The following NPSR1 variants were observed in gnomAD, a reference collection of about 807,000 sequenced individuals.
The protein encoded by NPSR1 is neuropeptide S receptor 1.
A neutral mutation model predicts 46.9 loss-of-function variants in NPSR1; 48 were observed. That is an observed-to-expected ratio of 1.02 (90% CI 0.81 to 1.30). NPSR1 has a LOEUF of 1.30. NPSR1 is among the 50% of genes most tolerant of loss of function. The pLI, the probability that NPSR1 is intolerant of heterozygous loss-of-function variation, is 0.00. For missense variants in NPSR1, 450 were observed against 449.5 expected (o/e 1.00, Z -0.01); for synonymous variants, 176 against 168.1 (o/e 1.05, Z -0.36).
Position 34,849,727 on chromosome 7 carries a change from GT to G in NPSR1, c.*73del. 1.3e-6 allele frequency: 2 copies of G among 1,591,800 alleles called. No individual in the cohort carries two copies. Among genetic ancestry groups the G allele is most frequent in the East Asian group, 4.5e-5 (2 of 44,602 alleles). ...AGGTCCTTGTCACCTGCTTGGGCAC[GT>G]GCATGGAACCCGAGCCAACTTCACC... is the stretch of plus-strand genomic sequence containing the variant. On this transcript the variant is annotated 3_prime_UTR_variant, in exon 9 of 9. Coordinates refer to ENST00000360581, the MANE Select transcript of NPSR1 (RefSeq NM_207172.2).
intron 2 of NPSR1, among the ~76,000 whole-genome samples, chr7:34,698,684 A>G (rs977767006): frequency 6.6e-6 from 1 of 152,210 alleles, no homozygotes; most frequent in Admixed American, 6.5e-5. Flanking sequence ...TTTGTGAGGT[A>G]GAATATTAAT....
intron 2 of NPSR1, among the ~76,000 whole-genome samples, chr7:34,747,816 A>C (rs771886406): frequency 6.6e-6 from 1 of 152,204 alleles, no homozygotes; most frequent in Non-Finnish European, 1.5e-5. Context: ...GACAAATCTT[A>C]TTTTTATTAT....
At chr7:34,731,498 TG>T (rs1784415596) in intron 2 of NPSR1, among the ~76,000 whole-genome samples, 1 of 116,874 alleles carries the variant, frequency 8.6e-6, no homozygotes, top group South Asian at 2.8e-4. Context: ...AAAGTACCCC[TG>T]GGTTACATTT....
At chr7:34,735,647 T>A (rs1784633551) in intron 2 of NPSR1, among the ~76,000 whole-genome samples, 1 of 152,186 alleles carries the variant, frequency 6.6e-6, no homozygotes. Context: ...GTTTCAAAAA[T>A]CCTAAAACAG....
chr7:34,823,893 T>G (rs1789697298), intron 4 of NPSR1, among the ~76,000 whole-genome samples: 1 of 152,186 alleles, frequency 6.6e-6, no homozygotes, highest in African/African-American at 2.4e-5. Flanking sequence ...ATCTGGGAGC[T>G]GCTGGCTGTC....
rs950255957 is a variant in NPSR1, at chr7:34,790,726, A to C, written c.384+12161A>C. ...TTCTATGTTATATATAATATATGTT[A>C]TATGTTATATGTTATATATAATATA... is the stretch of plus-strand genomic sequence containing the variant. On this transcript the variant is annotated intron_variant, in intron 3 of 8. Transcript: ENST00000360581. Among the ~76,000 whole-genome samples the C allele has an allele frequency of 7.6e-4, 94 of 123,698 alleles. 6 individuals carry two copies. The highest frequency in any genetic ancestry group is 1.3e-3 in the Admixed American group (14 of 11,028). The allele number at this position is 123,698 out of a possible 152,430, so 81.2% of individuals were successfully genotyped here.
intron 3 of NPSR1, among the ~76,000 whole-genome samples, chr7:34,790,685 TTATATATAA>T (rs1787703172): frequency 6.9e-6 from 1 of 144,894 alleles, no homozygotes; most frequent in Non-Finnish European, 1.5e-5. Context: ...ATGTTCTATG[TTATATATAA>T]TATATGTTCT....
chr7:34,767,600 G>A (rs1028751031), intron 2 of NPSR1, among the ~76,000 whole-genome samples: 10 of 152,114 alleles, frequency 6.6e-5, no homozygotes, highest in African/African-American at 2.4e-4. Context: ...GAAAGTGGAT[G>A]AGGAGAACAA....
intron 8 of NPSR1, among the ~76,000 whole-genome samples, chr7:34,862,700 C>A (rs1198727851): frequency 6.6e-6 from 1 of 151,730 alleles, no homozygotes; most frequent in Non-Finnish European, 1.5e-5. Flanking sequence ...GAGTGCAAAT[C>A]CATTGCTTAT....
chr7:34,705,372 A>C (rs1337266076), intron 2 of NPSR1, among the ~76,000 whole-genome samples: 7 of 151,118 alleles, frequency 4.6e-5, no homozygotes. Flanking sequence ...GGTTGCAGTG[A>C]GCAGGGATCA....
At chr7:34,750,817 C>T in intron 2 of NPSR1, 1 of 692,480 alleles carries the variant, frequency 1.4e-6, no homozygotes, top group Non-Finnish European at 2.7e-6. Context: ...CTGTGTGGAA[C>T]CGCTGACACA....
At chr7:34,874,002 G>A (rs1197682319) in intron 8 of NPSR1, among the ~76,000 whole-genome samples, 2 of 151,684 alleles carry the variant, frequency 1.3e-5, no homozygotes, top group Non-Finnish European at 2.9e-5. Flanking sequence ...GCCATGGTGA[G>A]TTAGAGCTGG....
chr7:34,829,480 G>A (rs183422692), intron 5 of NPSR1, among the ~76,000 whole-genome samples: 30 of 152,336 alleles, frequency 2.0e-4, no homozygotes, highest in Non-Finnish European at 3.8e-4. Context: ...GAGCCACAGC[G>A]GTCAGAGAGC....
chr7:34,713,303 C>T (rs945684341), intron 2 of NPSR1, among the ~76,000 whole-genome samples: 4 of 152,026 alleles, frequency 2.6e-5, no homozygotes, highest in African/African-American at 7.3e-5. Flanking sequence ...TCAGTATATT[C>T]GTAGTTTTGC....
chr7:34,841,476 C>G (rs2128762604), intron 6 of NPSR1, among the ~76,000 whole-genome samples: 1 of 152,344 alleles, frequency 6.6e-6, no homozygotes, highest in African/African-American at 2.4e-5. Flanking sequence ...AATGGACGTG[C>G]CACTTTCAGG....
chr7:34,834,902 C>T (rs1023626189), intron 6 of NPSR1, among the ~76,000 whole-genome samples: 4 of 152,206 alleles, frequency 2.6e-5, no homozygotes, highest in South Asian at 2.1e-4. Flanking sequence ...CAATCTTGGA[C>T]CCTTAGCCAG....
intron 2 of NPSR1, among the ~76,000 whole-genome samples, chr7:34,755,665 T>C (rs1785793115): frequency 6.6e-6 from 1 of 152,212 alleles, no homozygotes; most frequent in Non-Finnish European, 1.5e-5. Flanking sequence ...TTTTATTATT[T>C]GTGCTACCTG....
chr7:34,750,465 C>T, intron 2 of NPSR1: 2 of 732,534 alleles, frequency 2.7e-6, no homozygotes, highest in Admixed American at 1.8e-5. Flanking sequence ...TCTGAGGCTG[C>T]AGAAGCCAGA....
chr7:34,778,765 G>T (rs937370033), intron 3 of NPSR1, among the ~76,000 whole-genome samples, 200 bp downstream of exon 3: 1 of 152,066 alleles, frequency 6.6e-6, no homozygotes, highest in Non-Finnish European at 1.5e-5. Flanking sequence ...AAACACAAAC[G>T]AGCCACAAAT....
Sources: gnomAD v4.1 joint callset for allele counts (sites outside exome capture counted in the v4.1 genomes callset) on GRCh38, gnomAD v4.1.1 for gene constraint, MANE v1.5 for transcripts, NCBI Gene and HGNC (gene_info 2026-07-23, HGNC 2026-07-21) for gene names.